Variants in TMEM163 observed in about 807,000 individuals in gnomAD.
TMEM163 encodes the protein transmembrane protein 163.
TMEM163 carries 17 observed loss-of-function variants against 29.3 expected under a neutral mutation model. The observed-to-expected ratio is 0.58, with a 90% confidence interval of 0.40 to 0.87. TMEM163 has a LOEUF of 0.87. TMEM163 is among the 40% of genes least tolerant of loss of function. The pLI, the probability that TMEM163 is intolerant of heterozygous loss-of-function variation, is 0.00. For synonymous variants in TMEM163, 157 were observed against 160.6 expected (o/e 0.98, Z 0.17); for missense variants, 303 against 381.5 (o/e 0.79, Z 1.71).
chr2:134,461,451 C>T lies in TMEM163; in HGVS notation c.668-3278G>A, dbSNP rs143711639. On this transcript the variant is annotated intron_variant, in intron 6 of 7. Transcript: ENST00000281924. ...CTGTTCCTGTAGGACTGAAGCTGTG[C>T]CCCTCGTCCAGAGCGCTCCCCCAGT... Among the ~76,000 whole-genome samples, 916 of 152,276 alleles carry T rather than the reference C, an allele frequency of 6.0e-3. 9 individuals carry two copies. The highest frequency in any genetic ancestry group is 0.039 in the South Asian group (187 of 4,820).
At chr2:134,597,202 G>T (rs1030248054) in intron 2 of TMEM163, among the ~76,000 whole-genome samples, 1 of 152,278 alleles carries the variant, frequency 6.6e-6, no homozygotes, top group Admixed American at 6.5e-5. Context: ...AGTTTTCAAA[G>T]GGAATGCTTC....
intron 2 of TMEM163, among the ~76,000 whole-genome samples, chr2:134,561,249 G>T (rs1429359411): frequency 6.6e-6 from 1 of 152,218 alleles, no homozygotes; most frequent in African/African-American, 2.4e-5. Context: ...TGTCGCCCAG[G>T]CTGGAGCGCA....
At chr2:134,635,692 C>G (rs1683089081) in intron 2 of TMEM163, among the ~76,000 whole-genome samples, 1 of 152,118 alleles carries the variant, frequency 6.6e-6, no homozygotes, top group South Asian at 2.1e-4. Flanking sequence ...TACGGAAACC[C>G]AGACACAGAT....
At position 134,625,204 on chromosome 2, in the gene TMEM163, T is replaced by A. The variant is rs1574289978; in HGVS notation, c.323-73113A>T. On this transcript the variant is annotated intron_variant, in intron 2 of 7. Coordinates refer to ENST00000281924, the MANE Select transcript of TMEM163 (RefSeq NM_030923.5). Reference sequence around the variant, plus strand: ...AAGAAAAAGTTTGTGTCCACTACCATTAATTATAATAAAAGGTTTAATAAC... The same window carrying A: ...AAGAAAAAGTTTGTGTCCACTACCAATAATTATAATAAAAGGTTTAATAAC... Among the ~76,000 whole-genome samples, 6 of 152,166 alleles carry A rather than the reference T, an allele frequency of 3.9e-5. No individual in the cohort carries two copies. In the South Asian group the frequency reaches 1.2e-3, roughly 31 times the overall value.
At chr2:134,533,840 C>T (rs1041206941) in intron 4 of TMEM163, among the ~76,000 whole-genome samples, 3 of 152,176 alleles carry the variant, frequency 2.0e-5, no homozygotes, top group East Asian at 3.9e-4. Context: ...AAACACACCA[C>T]GCTGGTCTCA....
At chr2:134,693,482 G>C (rs1684517480) in intron 2 of TMEM163, among the ~76,000 whole-genome samples, 1 of 151,914 alleles carries the variant, frequency 6.6e-6, no homozygotes, top group African/African-American at 2.4e-5. Context: ...GGAAGCATGT[G>C]CCTGTAATCC....
chr2:134,687,363 CT>C (rs1387130784), intron 2 of TMEM163, among the ~76,000 whole-genome samples: 2 of 152,154 alleles, frequency 1.3e-5, no homozygotes, highest in Admixed American at 1.3e-4. Flanking sequence ...CCACAGGGAT[CT>C]GTTTTTTGTG....
intron 2 of TMEM163, among the ~76,000 whole-genome samples, chr2:134,579,759 A>G (rs933587856): frequency 1.3e-5 from 2 of 152,230 alleles, no homozygotes; most frequent in Non-Finnish European, 2.9e-5. Flanking sequence ...AACCTCAGTT[A>G]TCTCATCTGA....
intron 2 of TMEM163, among the ~76,000 whole-genome samples, chr2:134,698,524 T>C (rs576323340): frequency 3.9e-5 from 6 of 152,286 alleles, no homozygotes; most frequent in African/African-American, 1.4e-4. Context: ...CAGCTTTTAG[T>C]TTTGTTGATT....
chr2:134,596,192 C>T (rs1682079362), intron 2 of TMEM163, among the ~76,000 whole-genome samples: 1 of 152,180 alleles, frequency 6.6e-6, no homozygotes. Flanking sequence ...TTGCCCACGC[C>T]TATGTCCTGA....
intron 2 of TMEM163, among the ~76,000 whole-genome samples, chr2:134,688,538 G>A (rs1416538271): frequency 6.6e-6 from 1 of 151,964 alleles, no homozygotes; most frequent in Non-Finnish European, 1.5e-5. Context: ...TTCCTAAACA[G>A]GAAAGAGTAA....
chr2:134,498,021 G>A (rs1462877215), intron 5 of TMEM163, among the ~76,000 whole-genome samples: 8 of 152,206 alleles, frequency 5.3e-5, no homozygotes, highest in Admixed American at 5.2e-4. Flanking sequence ...AAGAGCAGCA[G>A]CCTCCACAGC....
chr2:134,533,802 A>AC (rs1048821276), intron 4 of TMEM163, among the ~76,000 whole-genome samples: 53 of 152,084 alleles, frequency 3.5e-4, no homozygotes, highest in African/African-American at 1.3e-3. Context: ...ATTGGGTCCC[A>AC]CCACAGGAGC....
At chr2:134,632,387 C>T (rs1451681724) in intron 2 of TMEM163, among the ~76,000 whole-genome samples, 7 of 152,220 alleles carry the variant, frequency 4.6e-5, no homozygotes. Context: ...ACCATAACTA[C>T]ATAAAATAAA....
At chr2:134,697,043 T>C (rs1684598232) in intron 2 of TMEM163, among the ~76,000 whole-genome samples, 1 of 152,180 alleles carries the variant, frequency 6.6e-6, no homozygotes, top group South Asian at 2.1e-4. Flanking sequence ...CCCAAAGTTC[T>C]GGGATTACAG....
chr2:134,484,740 A>T (rs987083351), intron 5 of TMEM163, among the ~76,000 whole-genome samples: 12 of 152,216 alleles, frequency 7.9e-5, no homozygotes, highest in African/African-American at 2.9e-4. Flanking sequence ...TAACCAAAAT[A>T]ACATGTAACT....
chr2:134,686,312 C>A (rs961155491), intron 2 of TMEM163, among the ~76,000 whole-genome samples: 2 of 152,300 alleles, frequency 1.3e-5, no homozygotes, highest in East Asian at 3.9e-4. Context: ...GAGAGGAGGC[C>A]ATGAATATGG....
chr2:134,584,350 C>T (rs1003782367), intron 2 of TMEM163, among the ~76,000 whole-genome samples: 1 of 152,158 alleles, frequency 6.6e-6, no homozygotes, highest in African/African-American at 2.4e-5. Context: ...AGACTCACTG[C>T]CCAGCCATGG....
intron 5 of TMEM163, among the ~76,000 whole-genome samples, chr2:134,502,632 A>T (rs1679722772): frequency 6.6e-6 from 1 of 152,226 alleles, no homozygotes; most frequent in Non-Finnish European, 1.5e-5. Context: ...CTTTACACAC[A>T]CAAAAAGTCT....
Sources: gnomAD v4.1 joint callset for allele counts (sites outside exome capture counted in the v4.1 genomes callset) on GRCh38, gnomAD v4.1.1 for gene constraint, MANE v1.5 for transcripts, NCBI Gene and HGNC (gene_info 2026-07-23, HGNC 2026-07-21) for gene names.